Variants in RFC4 observed in about 807,000 individuals in gnomAD.
RFC4 encodes the protein A1 37 kDa subunit.
Under a neutral mutation model 47.6 loss-of-function variants are expected in RFC4, and 38 were observed. The observed-to-expected ratio is 0.80, with a 90% CI of 0.62 to 1.05. The LOEUF (loss-of-function observed/expected upper bound fraction) is 1.05. Among genes scored for constraint, RFC4 ranks in the 50% least tolerant of loss-of-function variants. The pLI, the probability that RFC4 is intolerant of heterozygous loss-of-function variation, is 0.00. For missense variants in RFC4, 489 were observed against 434.0 expected, an observed-to-expected ratio of 1.13 and a Z score of -1.13; for synonymous variants, 164 against 150.0, an observed-to-expected ratio of 1.09 and a Z score of -0.68.
At position 186,801,152 on chromosome 3, in the gene RFC4, C is replaced by A. The variant is rs140654716; in HGVS notation, c.175G>T (p.Val59Phe). ...TCTAAAGATTTTTTCAGCACTGCAA[C>A]CACTTCTTCCTGGAAAGCAACTTCA... ...VDEVAFQEEV[V>F]AVLKKSLEGA... is the part of the protein sequence containing the mutation. The change falls in exon 3 of 11, where the codon GTT (valine) becomes TTT (phenylalanine). Residue 59 changes from valine (V) to phenylalanine (F), a missense_variant. Val to Phe is a conservative substitution (Grantham distance 50, BLOSUM62 -1). This residue lies in a region of RFC4 where 206 missense variants were observed against 257.8 expected (regional missense o/e 0.80). Coordinates refer to ENST00000296273, the MANE Select transcript of RFC4 (RefSeq NM_002916.5). The A allele has an allele frequency of 6.2e-7, 1 of 1,614,124 alleles. No homozygotes were observed. Among genetic ancestry groups the A allele is most frequent in the East Asian group, 2.2e-5 (1 of 44,874 alleles).
rs529876327 is a variant in RFC4, at chr3:186,796,699, C to T, written c.290+836G>A. On this transcript the variant is annotated intron_variant, in intron 4 of 10. Transcript: ENST00000296273. The surrounding 1 kb of genome is among the most constrained non-coding windows in gnomAD (Gnocchi z 4.2). ...TTCACCATGTTGGCCAGGCTGGTTT[C>T]GAACTCCTCACCCCAGGTGATCCAC... is the stretch of plus-strand genomic sequence containing the variant. Among the ~76,000 whole-genome samples the T allele has an allele frequency of 2.2e-4, 33 of 152,252 alleles. No homozygotes were observed. Among genetic ancestry groups the T allele is most frequent in the African/African-American group, 7.5e-4 (31 of 41,550 alleles).
chr3:186,799,645 G>T (rs999115428), intron 3 of RFC4, among the ~76,000 whole-genome samples: 1 of 152,034 alleles, frequency 6.6e-6, no homozygotes, highest in Non-Finnish European at 1.5e-5. Flanking sequence ...CCTGGGAGGC[G>T]GAGGTTGCAG....
In RFC4 at chr3:186,796,026, T is replaced by TACACAC. The variant is rs3082241; in HGVS notation, c.291-1255_291-1250dup. 0.011 allele frequency among the ~76,000 whole-genome samples: 1,606 copies of TACACAC among 149,262 alleles called. 18 individuals are homozygous for TACACAC. Among genetic ancestry groups the TACACAC allele is most frequent in the African/African-American group, 0.022 (910 of 40,548 alleles). ...TTTTTGAAACTTCCCTCTAGTCTTTTACACACACACACACACACACACACA... is the reference window on the plus strand; with the variant it reads ...TTTTTGAAACTTCCCTCTAGTCTTTTACACACACACACACACACACACACACACACA... On this transcript the variant is annotated intron_variant, in intron 4 of 10. Coordinates refer to ENST00000296273, the MANE Select transcript of RFC4 (RefSeq NM_002916.5). This position sits in a 1 kb window ranked among gnomAD's most constrained non-coding sequence, Gnocchi z 4.2.
Position 186,791,712 on chromosome 3 carries a change from C to T in RFC4, c.801+13G>A. 6.2e-7 allele frequency: 1 copy of T among 1,611,844 alleles called. No homozygotes were observed. Among genetic ancestry groups the T allele is most frequent in the Non-Finnish European group, 8.5e-7 (1 of 1,178,082 alleles). On this transcript the variant is annotated intron_variant, in intron 8 of 10. Coordinates refer to ENST00000296273, the MANE Select transcript of RFC4 (RefSeq NM_002916.5). ...CCAACTAAAAAGAAATTCAGAATAT[C>T]CAGTACTCTTACCCCGGCAATGTCT...
chr3:186,798,960 T>C (rs1722298151), intron 3 of RFC4, among the ~76,000 whole-genome samples: 1 of 152,200 alleles, frequency 6.6e-6, no homozygotes, highest in East Asian at 1.9e-4. Flanking sequence ...AACCAATACA[T>C]AGACAAATAT....
At chr3:186,794,801 G>T (rs200896500) in intron 4 of RFC4, 24 bp from the exon 5 acceptor site, 2 of 1,612,342 alleles carry the variant, frequency 1.2e-6, no homozygotes, top group East Asian at 2.2e-5. Flanking sequence ...AAACAAATAT[G>T]AAACATAGAG....
At chr3:186,803,225 C>T (rs1722398185) in intron 2 of RFC4, among the ~76,000 whole-genome samples, 1 of 151,874 alleles carries the variant, frequency 6.6e-6, no homozygotes, top group African/African-American at 2.4e-5. Context: ...TGTCTGTAAT[C>T]CCAGCTACTC....
At chr3:186,801,420 C>T in intron 2 of RFC4, 3 of 547,204 alleles carry the variant, frequency 5.5e-6, no homozygotes, top group Non-Finnish European at 9.7e-6. Flanking sequence ...TTCTGCATTG[C>T]TCGAATCTGT....
chr3:186,794,454 A>G (rs541501004), intron 5 of RFC4, among the ~76,000 whole-genome samples: 1 of 152,236 alleles, frequency 6.6e-6, no homozygotes, highest in Non-Finnish European at 1.5e-5. Flanking sequence ...GGTACCACCA[A>G]TGTAATCCTG....
intron 3 of RFC4, among the ~76,000 whole-genome samples, chr3:186,799,415 T>C (rs1363749171): frequency 3.3e-5 from 5 of 152,228 alleles, no homozygotes. Context: ...AGTTCTTACT[T>C]CAGCCTCATA....
In RFC4 at chr3:186,792,497, C is replaced by G. The variant is rs1560090804; in HGVS notation, c.668G>C (p.Ser223Thr). 2 of 1,611,432 alleles carry G rather than the reference C, an allele frequency of 1.2e-6. No homozygotes were observed. ...GTAATAATTAGTAATTACCTCATCA[C>G]TAATTTTGACATTTTCCTTCTTGGC... ...DIAKKENVKI[S>T]DEGIAYLVKV... is the part of the protein sequence containing the mutation. The change falls in exon 7 of 11, where the codon AGT (serine) becomes ACT (threonine). Residue 223 changes from serine (S) to threonine (T), a missense_variant. Ser to Thr is a moderately conservative substitution (Grantham distance 58). Transcript: ENST00000296273.
chr3:186,790,085 AT>A (rs1722035189), intron 10 of RFC4, 21 bp from the exon 11 acceptor site: 4 of 1,608,994 alleles, frequency 2.5e-6, no homozygotes, highest in Non-Finnish European at 3.4e-6. Context: ...AATTTAAGAA[AT>A]TAGCATCCTT....
Position 186,790,251 on chromosome 3 carries a change from AAATCCTATAATAAAAAAAACTTTTG to A in RFC4, c.883-21_886del. ...AGTTGCTGCATGACCCTCATCTATT[AAATCCTATAATAAAAAAAACTTTTG>A]GTATGATGACTTAATATTCCTTTCC... On this transcript the variant is annotated splice_acceptor_variant and splice_polypyrimidine_tract_variant and coding_sequence_variant and intron_variant, in exon 10 of 11. Transcript: ENST00000296273. LOFTEE classifies it high-confidence loss of function. 1 of 1,612,902 alleles carries A rather than the reference AAATCCTATAATAAAAAAAACTTTTG, an allele frequency of 6.2e-7. No individual in the cohort carries two copies. The highest frequency in any genetic ancestry group is 8.5e-7 in the Non-Finnish European group (1 of 1,179,070).
At position 186,796,430 on chromosome 3, in the gene RFC4, C is replaced by T. The variant is rs1722245794; in HGVS notation, c.290+1105G>A. ...GGCACATAGCAGCTTCTCCCTTTGT[C>T]TTTTACATTTTGACATAACTAATAA... On this transcript the variant is annotated intron_variant, in intron 4 of 10. Coordinates refer to ENST00000296273, the MANE Select transcript of RFC4 (RefSeq NM_002916.5). The surrounding 1 kb of genome is among the most constrained non-coding windows in gnomAD (Gnocchi z 4.2). 6.6e-6 allele frequency among the ~76,000 whole-genome samples: 1 copy of T among 151,928 alleles called. No homozygotes were observed. Among genetic ancestry groups the T allele is most frequent in the East Asian group, 1.9e-4 (1 of 5,186 alleles).
chr3:186,792,650 A>T lies in RFC4; in HGVS notation c.555-40T>A, dbSNP rs1579177579. The T allele has an allele frequency of 1.3e-5, 21 of 1,591,222 alleles. No homozygotes were observed. In the Middle Eastern group the frequency reaches 5.0e-4, roughly 38 times the overall value. ...AAAAACCAAGTTGGTGTCTAAAGAA[A>T]GAATTTCCCCAAAAGAACTCATTTT... On this transcript the variant is annotated intron_variant, in intron 6 of 10. Coordinates refer to ENST00000296273, the MANE Select transcript of RFC4 (RefSeq NM_002916.5).
Position 186,789,910 on chromosome 3 carries a change from CATTTT to C in RFC4, c.*54_*58del, listed in dbSNP as rs1722016374. The C allele has an allele frequency of 1.7e-5, 19 of 1,096,278 alleles. No individual in the cohort carries two copies. In the South Asian group the frequency reaches 2.5e-4, roughly 14 times the overall value. The allele number at this position is 1,096,278 out of a possible 1,614,324, so 67.9% of individuals were successfully genotyped here. Reference sequence around the variant, plus strand: ...TATTCACTTTAAAGGTGCTTTTGGTCATTTTATTTTTATTACAACTTCATTATTTA... The same window carrying C: ...TATTCACTTTAAAGGTGCTTTTGGTCATTTTTATTACAACTTCATTATTTA... On this transcript the variant is annotated 3_prime_UTR_variant, in exon 11 of 11. Coordinates refer to ENST00000296273, the MANE Select transcript of RFC4 (RefSeq NM_002916.5).
Position 186,804,590 on chromosome 3 carries a change from C to G in RFC4, c.124G>C (p.Glu42Gln). The change falls in exon 2 of 11, where the codon GAA becomes CAA. Residue 42 changes from glutamate (E) to glutamine (Q), a missense_variant. This residue lies in a region of RFC4 where 206 missense variants were observed against 257.8 expected (regional missense o/e 0.80). Transcript: ENST00000296273. ...AGACACAAGTGTTCTTACTATTTTT[C>G]CACCCAGGGAACGGGTTTGGCTTTC... ...NKKAKPVPWV[E>Q]KYRPKCVDEV... 1 of 1,613,664 alleles carries G rather than the reference C, an allele frequency of 6.2e-7. No individual in the cohort carries two copies. The highest frequency in any genetic ancestry group is 8.5e-7 in the Non-Finnish European group (1 of 1,179,870).
At chr3:186,804,518 A>AT in intron 2 of RFC4, 65 bp downstream of exon 2, 3 of 1,383,530 alleles carry the variant, frequency 2.2e-6, no homozygotes, top group Non-Finnish European at 2.0e-6. Context: ...AAAAAAAAAA[A>AT]GTGATCAGTA....
chr3:186,792,446 C>T, intron 7 of RFC4, 44 bp downstream of exon 7: 1 of 1,562,464 alleles, frequency 6.4e-7, no homozygotes, highest in Non-Finnish European at 8.8e-7. Context: ...ATGCATTCAT[C>T]AAAGGAATTA....
Sources: gnomAD v4.1 joint callset for allele counts (sites outside exome capture counted in the v4.1 genomes callset) on GRCh38, gnomAD v4.1.1 for gene constraint, gnomAD v4.1.1 regional missense constraint, Gnocchi (gnomAD v3.1) non-coding constraint, MANE v1.5 for transcripts, NCBI Gene and HGNC (gene_info 2026-07-23, HGNC 2026-07-21) for gene names.